The following AP3B1 variants were observed in gnomAD, a reference collection of about 807,000 sequenced individuals.
AP3B1 encodes adaptor related protein complex 3 subunit beta 1, also known as AP-3 complex subunit beta-1.
Under a neutral mutation model 132.5 loss-of-function variants are expected in AP3B1, and 61 were observed. That is an observed-to-expected ratio of 0.46 (90% CI 0.37 to 0.57). The LOEUF (loss-of-function observed/expected upper bound fraction) is 0.57, where lower values mean the gene tolerates loss of function less well. AP3B1 is among the 20% of genes least tolerant of loss of function. The probability of loss-of-function intolerance (pLI) is 0.00; values close to 1 mark genes in which losing one functional copy is unlikely to be tolerated. For missense variants in AP3B1, 1,120 were observed against 1,289.4 expected, an observed-to-expected ratio of 0.87 and a Z score of 2.01; for synonymous variants, 388 against 438.3, an observed-to-expected ratio of 0.89 and a Z score of 1.43.
chr5:78,272,873 G>A (rs528777113), intron 1 of AP3B1, among the ~76,000 whole-genome samples: 1 of 152,274 alleles, frequency 6.6e-6, no homozygotes, highest in East Asian at 1.9e-4. Flanking sequence ...TTGAACACAG[G>A]AGAGTCATGA....
At chr5:78,225,272 A>G (rs1395319970) in intron 6 of AP3B1, among the ~76,000 whole-genome samples, 1 of 152,074 alleles carries the variant, frequency 6.6e-6, no homozygotes, top group Non-Finnish European at 1.5e-5. Flanking sequence ...TGATCTTACC[A>G]TGTTAACCAC....
chr5:78,206,965 T>C (rs58741342), intron 7 of AP3B1, among the ~76,000 whole-genome samples: 2,603 of 151,584 alleles, frequency 0.017, 68 homozygotes, highest in African/African-American at 0.06. Flanking sequence ...TTATAAAAAA[T>C]ACAAAAATTA....
intron 3 of AP3B1, among the ~76,000 whole-genome samples, chr5:78,234,483 T>C (rs1561492712): frequency 6.6e-6 from 1 of 152,218 alleles, no homozygotes. Context: ...AGATTTAAAG[T>C]TCCTAAGAAT....
At chr5:78,216,516 T>C (rs1289010184) in intron 6 of AP3B1, among the ~76,000 whole-genome samples, 2 of 152,200 alleles carry the variant, frequency 1.3e-5, no homozygotes, top group Non-Finnish European at 2.9e-5. Context: ...ATTGTTCATA[T>C]GTGGATTAAA....
chr5:78,152,360 G>A (rs1211057674), intron 14 of AP3B1, among the ~76,000 whole-genome samples: 1 of 152,004 alleles, frequency 6.6e-6, no homozygotes, highest in South Asian at 2.1e-4. Context: ...CTTGTTACTT[G>A]TTTTTGGTCT....
chr5:78,163,376 G>A (rs1743466774), intron 12 of AP3B1, among the ~76,000 whole-genome samples: 1 of 152,012 alleles, frequency 6.6e-6, no homozygotes, highest in Non-Finnish European at 1.5e-5. Flanking sequence ...AAAACTGGGA[G>A]AAAAGGAAGA....
intron 1 of AP3B1, among the ~76,000 whole-genome samples, chr5:78,283,168 C>T (rs1580591593): frequency 6.6e-6 from 1 of 152,104 alleles, no homozygotes. Context: ...TCATCCTCAT[C>T]CCCATTTTAC....
At chr5:78,132,643 C>T (rs1237492523) in intron 15 of AP3B1, among the ~76,000 whole-genome samples, 9 of 152,128 alleles carry the variant, frequency 5.9e-5, no homozygotes. Context: ...ATCTTCTGCA[C>T]CTGTACGTAT....
At chr5:78,166,651 C>T (rs1327012800) in intron 11 of AP3B1, among the ~76,000 whole-genome samples, 1 of 151,990 alleles carries the variant, frequency 6.6e-6, no homozygotes, top group Non-Finnish European at 1.5e-5. Context: ...AAGATGTGAA[C>T]ATAAATACAT....
intron 11 of AP3B1, among the ~76,000 whole-genome samples, chr5:78,173,770 CAG>C (rs1277968328): frequency 6.6e-6 from 1 of 152,066 alleles, no homozygotes; most frequent in Non-Finnish European, 1.5e-5. Flanking sequence ...TGATATCCTG[CAG>C]AGTGTTTTCC....
intron 14 of AP3B1, among the ~76,000 whole-genome samples, chr5:78,149,270 G>C (rs189502994): frequency 1.8e-4 from 27 of 152,230 alleles, no homozygotes; most frequent in Non-Finnish European, 2.8e-4. Flanking sequence ...ATAATGCACT[G>C]GTTAAGAAAG....
At chr5:78,020,352 G>C (rs545736463) in intron 25 of AP3B1, among the ~76,000 whole-genome samples, 1 of 152,182 alleles carries the variant, frequency 6.6e-6, no homozygotes, top group East Asian at 1.9e-4. Flanking sequence ...AATTATAGTG[G>C]TAGGACATCG....
intron 17 of AP3B1, among the ~76,000 whole-genome samples, chr5:78,121,228 A>G (rs1210929020): frequency 6.6e-6 from 1 of 152,190 alleles, no homozygotes; most frequent in Non-Finnish European, 1.5e-5. Context: ...CTGAATGCCC[A>G]CAAGAGAAAG....
chr5:78,100,002 T>A (rs971354876), intron 21 of AP3B1, among the ~76,000 whole-genome samples: 1 of 152,172 alleles, frequency 6.6e-6, no homozygotes, highest in Non-Finnish European at 1.5e-5. Context: ...CAAAAACATG[T>A]ACTTCTGTTT....
chr5:78,096,640 A>G (rs1168243314), intron 21 of AP3B1, among the ~76,000 whole-genome samples: 1 of 150,622 alleles, frequency 6.6e-6, no homozygotes, highest in Admixed American at 6.6e-5. Flanking sequence ...CTGGGATGTG[A>G]GGAGCGCCTC....
intron 22 of AP3B1, among the ~76,000 whole-genome samples, chr5:78,066,945 C>T (rs891807123): frequency 1.3e-5 from 2 of 152,102 alleles, no homozygotes; most frequent in African/African-American, 4.8e-5. Context: ...AAGGGAAGCC[C>T]ATCAGACTGA....
intron 2 of AP3B1, among the ~76,000 whole-genome samples, chr5:78,242,830 T>C (rs114148905): frequency 0.014 from 2,167 of 152,352 alleles, 57 homozygotes; most frequent in African/African-American, 0.049. Context: ...TCTCAGATTA[T>C]AACTTTATAT....
chr5:78,292,667 G>C (rs1350861932), intron 1 of AP3B1, among the ~76,000 whole-genome samples: 1 of 152,058 alleles, frequency 6.6e-6, no homozygotes. Flanking sequence ...AATGTAAAGT[G>C]GTGTGCACAA....
rs1294066462 is a variant in AP3B1 at position 78,115,875 on chromosome 5, T to C, written c.2077+251A>G. 7 of 451,650 alleles carry C rather than the reference T, an allele frequency of 1.5e-5. No homozygotes were observed. In the East Asian group the frequency reaches 2.8e-4, roughly 18 times the overall value. The allele number at this position is 451,650 out of a possible 1,614,324, so 28.0% of individuals were successfully genotyped here. A position where few individuals can be genotyped will look rare whatever the true frequency, so the allele number is the denominator to read the frequency against. On this transcript the variant is annotated intron_variant, in intron 18 of 26. Coordinates refer to ENST00000255194, the MANE Select transcript of AP3B1 (RefSeq NM_003664.5). ...CATTGTGGTTTAGAATTCAGAAAAG[T>C]ATGAGTTCCTGTTTCAGCTATACCA...
Sources: allele counts gnomAD v4.1 joint callset (sites outside exome capture counted in the v4.1 genomes callset), GRCh38; gene constraint gnomAD v4.1.1; transcripts MANE v1.5; gene names NCBI Gene and HGNC (gene_info 2026-07-23, HGNC 2026-07-21).